SENP6: variants seen among roughly 807,000 people sequenced by gnomAD.
SENP6 encodes SUMO specific peptidase 6.
Under a neutral mutation model 134.5 loss-of-function variants are expected in SENP6, and 41 were observed. That is an observed-to-expected ratio of 0.30 (90% CI 0.24 to 0.40). SENP6 has a LOEUF of 0.40. Ranked by LOEUF, SENP6 falls within the 10% of genes least tolerant of loss-of-function variation. SENP6 has a pLI of 1.00. For missense variants in SENP6, 1,248 were observed against 1,312.5 expected (o/e 0.95, Z 0.76); for synonymous variants, 395 against 429.8 (o/e 0.92, Z 1.00).
rs900329043 is a variant in SENP6, at chr6:75,717,363, C to G, written c.*1769C>G. 4 of 151,902 alleles carry G rather than the reference C, an allele frequency of 2.6e-5. No homozygotes were observed. The highest frequency in any genetic ancestry group is 9.7e-5 in the African/African-American group (4 of 41,404). 9.4% of individuals were successfully genotyped at this position (151,902 alleles called of 1,614,324 possible). A position where few individuals can be genotyped will look rare whatever the true frequency, so the allele number is the denominator to read the frequency against. On this transcript the variant is annotated 3_prime_UTR_variant, in exon 24 of 24. Transcript: ENST00000447266. ...CTTGTTTTTGCATTAATTTGTAATG[C>G]TTACATTTTGCACCCTTAGATAATG...
At chr6:75,665,499 G>C (rs1417845191) in intron 9 of SENP6, among the ~76,000 whole-genome samples, 2 of 152,156 alleles carry the variant, frequency 1.3e-5, no homozygotes, top group Non-Finnish European at 2.9e-5. Context: ...ACAAACCATA[G>C]CAAGGAGTTT....
intron 8 of SENP6, among the ~76,000 whole-genome samples, 157 bp from the exon 9 acceptor site, chr6:75,663,064 T>G (rs956653): frequency 0.24 from 37,132 of 152,166 alleles, 5,906 homozygotes; most frequent in Non-Finnish European, 0.37. Context: ...TTTGAGACTT[T>G]GAGGGGATTC....
intron 6 of SENP6, among the ~76,000 whole-genome samples, chr6:75,643,063 C>CTCAATAA (rs1449225679): frequency 6.6e-6 from 1 of 151,828 alleles, no homozygotes; most frequent in African/African-American, 2.4e-5. Flanking sequence ...CTGTAATAAG[C>CTCAATAA]ATTGAGAGGG....
At chr6:75,664,285 T>C (rs1772020933) in intron 9 of SENP6, among the ~76,000 whole-genome samples, 1 of 151,760 alleles carries the variant, frequency 6.6e-6, no homozygotes, top group Admixed American at 6.6e-5. Flanking sequence ...ATAATAATAA[T>C]TATAAACAGA....
chr6:75,619,445 A>ATG (rs61131437), intron 1 of SENP6, among the ~76,000 whole-genome samples: 36,878 of 149,134 alleles, frequency 0.25, 5,315 homozygotes, highest in Non-Finnish European at 0.35. Context: ...CGTTGTGTCT[A>ATG]TGTGTGTGTG....
At chr6:75,642,223 C>T (rs1770084027) in intron 6 of SENP6, among the ~76,000 whole-genome samples, 1 of 152,192 alleles carries the variant, frequency 6.6e-6, no homozygotes, top group Admixed American at 6.5e-5. Context: ...CAGTGATGAA[C>T]AAAGCAGACA....
rs1769391227 is a variant in SENP6 at position 75,634,912 on chromosome 6, TTTCAC to T, written c.458+103_458+107del. ...TTTTTCCTTTGTGAAACCTTACTGT[TTTCAC>T]TGTCTGTAGAGAGATATATCTCTGA... is the stretch of plus-strand genomic sequence containing the variant. On this transcript the variant is annotated intron_variant, in intron 5 of 23. Transcript: ENST00000447266. 5 of 726,784 alleles carry T rather than the reference TTTCAC, an allele frequency of 6.9e-6. No homozygotes were observed. The South Asian group carries it at 7.7e-5, about 11-fold the overall frequency. 45.0% of individuals were successfully genotyped at this position (726,784 alleles called of 1,614,324 possible). A position where few individuals can be genotyped will look rare whatever the true frequency, so the allele number is the denominator to read the frequency against.
chr6:75,659,387 A>C lies in SENP6; in HGVS notation c.676A>C (p.Lys226Gln). 6.2e-7 allele frequency: 1 copy of C among 1,609,710 alleles called. No individual in the cohort carries two copies. Among genetic ancestry groups the C allele is most frequent in the East Asian group, 2.2e-5 (1 of 44,818 alleles). The change falls in exon 8 of 24, where the codon AAA (lysine) becomes CAA (glutamine). Residue 226 changes from lysine (K) to glutamine (Q), a missense_variant. Physicochemically the swap from Lys to Gln is moderately conservative, Grantham distance 53 (BLOSUM62 1). This residue lies in a region of SENP6 where 733 missense variants were observed against 725.4 expected (regional missense o/e 1.01). Coordinates refer to ENST00000447266, the MANE Select transcript of SENP6 (RefSeq NM_015571.4). Reference protein sequence around the residue: ...PTPPLSPASKKCLTHLEDLQR... With the variant: ...PTPPLSPASKQCLTHLEDLQR... ...TCCTCCTCTATCTCCTGCTTCAAAA[A>C]AATGTTTAACCCATTTAGAGGTAAG...
chr6:75,671,813 C>T (rs576054640), intron 11 of SENP6, among the ~76,000 whole-genome samples: 49 of 152,074 alleles, frequency 3.2e-4, no homozygotes, highest in African/African-American at 1.2e-3. Context: ...TGTTTCTTTT[C>T]TGGTAAAGGT....
Position 75,629,874 on chromosome 6 carries a change from T to C in SENP6, c.208-3707T>C, listed in dbSNP as rs9447530. On this transcript the variant is annotated intron_variant, in intron 3 of 23. Coordinates refer to ENST00000447266, the MANE Select transcript of SENP6 (RefSeq NM_015571.4). The stretch of plus-strand genomic sequence containing the variant: ...GCATAGATTTAGGTTCTCCCACATG[T>C]ATGCTTTGATTAGCAGCAGATATGA... Among the ~76,000 whole-genome samples the C allele has an allele frequency of 1.8e-3, 269 of 152,262 alleles. 1 individual carries two copies. Among genetic ancestry groups the C allele is most frequent in the African/African-American group, 6.2e-3 (256 of 41,544 alleles).
At position 75,604,942 on chromosome 6, in the gene SENP6, G is replaced by A. The variant is rs193073617; in HGVS notation, c.52+2366G>A. 1.2e-4 allele frequency among the ~76,000 whole-genome samples: 18 copies of A among 152,024 alleles called. No homozygotes were observed. The East Asian group carries it at 2.9e-3, about 25-fold the overall frequency. Reference sequence around the variant, plus strand: ...ACAGAAATTAGTCTGGCGTGGTGGCGCGCGCCTGTAATCCCAACTACTCGG... The same window carrying A: ...ACAGAAATTAGTCTGGCGTGGTGGCACGCGCCTGTAATCCCAACTACTCGG... On this transcript the variant is annotated intron_variant, in intron 1 of 23. Transcript: ENST00000447266.
chr6:75,617,433 C>T (rs1005288119), intron 1 of SENP6, among the ~76,000 whole-genome samples: 18 of 151,512 alleles, frequency 1.2e-4, no homozygotes, highest in Admixed American at 8.6e-4. Flanking sequence ...ACCACCACAC[C>T]GGCTAATTTT....
At chr6:75,659,195 T>A in intron 7 of SENP6, 67 bp from the exon 8 acceptor site, 1 of 1,183,940 alleles carries the variant, frequency 8.4e-7, no homozygotes. Context: ...GTTCTGATTA[T>A]TTTTTTGCTG....
intron 16 of SENP6, among the ~76,000 whole-genome samples, chr6:75,687,339 G>A (rs150626651): frequency 2.0e-5 from 3 of 152,214 alleles, no homozygotes; most frequent in African/African-American, 4.8e-5. Context: ...CGATGGGTTC[G>A]AACATCCTCC....
intron 16 of SENP6, among the ~76,000 whole-genome samples, chr6:75,681,267 A>T (rs1292580967): frequency 6.6e-6 from 1 of 152,052 alleles, no homozygotes; most frequent in Non-Finnish European, 1.5e-5. Flanking sequence ...GGTTGTTTAT[A>T]AAAGTGTGTA....
Position 75,676,024 on chromosome 6 carries a change from A to G in SENP6, c.1591A>G (p.Asn531Asp). ...AATGAATAAGGAGGATAAAGTTTGGAATGATTGTAAAGGAGTAAATAAATT... is the reference window on the plus strand; with the variant it reads ...AATGAATAAGGAGGATAAAGTTTGGGATGATTGTAAAGGAGTAAATAAATT... ...LQMNKEDKVWNDCKGVNKLTN... is the reference protein window; with the variant it reads ...LQMNKEDKVWDDCKGVNKLTN... Residue 531 changes from asparagine (N) to aspartate (D), a missense_variant, in exon 13 of 24, where the codon AAT (asparagine) becomes GAT (aspartate). Physicochemically the swap from Asn to Asp is conservative, Grantham distance 23. Transcript: ENST00000447266. 1.9e-6 allele frequency: 3 copies of G among 1,607,712 alleles called. No homozygotes were observed. Among genetic ancestry groups the G allele is most frequent in the Non-Finnish European group, 2.5e-6 (3 of 1,177,628 alleles).
At chr6:75,602,641 C>A (rs1434836847) in intron 1 of SENP6, 65 bp downstream of exon 1, 9 of 1,484,984 alleles carry the variant, frequency 6.1e-6, no homozygotes, top group Non-Finnish European at 8.3e-6. Context: ...GCCCCCAGAA[C>A]CCCGGATATT....
At chr6:75,615,380 G>A (rs478934) in intron 1 of SENP6, among the ~76,000 whole-genome samples, 91,998 of 151,300 alleles carry the variant, frequency 0.61, 28,268 homozygotes, top group South Asian at 0.67. Context: ...GGGTTTCGCA[G>A]CATTGGCCAG....
chr6:75,638,277 A>G (rs1769684680), intron 5 of SENP6, among the ~76,000 whole-genome samples: 1 of 147,092 alleles, frequency 6.8e-6, no homozygotes, highest in South Asian at 2.1e-4. Context: ...CCACAGTTAT[A>G]GTACTAATTG....
Sources: allele counts gnomAD v4.1 joint callset (sites outside exome capture counted in the v4.1 genomes callset), GRCh38; gene constraint gnomAD v4.1.1; regional missense constraint gnomAD v4.1.1; transcripts MANE v1.5; gene names NCBI Gene and HGNC (gene_info 2026-07-23, HGNC 2026-07-21).